INIP: variants seen among roughly 807,000 people sequenced by gnomAD.
The protein encoded by INIP is SOSS complex subunit C.
In INIP, 9 loss-of-function variants were observed where a neutral mutation model predicts 14.0. The observed-to-expected ratio is 0.64, with a 90% confidence interval of 0.39 to 1.12. INIP has a LOEUF of 1.12. Among genes scored for constraint, INIP ranks in the 50% most tolerant of loss-of-function variants. The probability of loss-of-function intolerance (pLI) is 0.01; values close to 1 mark genes in which losing one functional copy is unlikely to be tolerated. For missense variants in INIP, 78 were observed against 122.7 expected (o/e 0.64, Z 1.72); for synonymous variants, 37 against 41.5 (o/e 0.89, Z 0.41).
intron 2 of INIP, among the ~76,000 whole-genome samples, chr9:112,696,847 C>T (rs143982379): frequency 1.3e-5 from 2 of 152,174 alleles, no homozygotes; most frequent in Non-Finnish European, 2.9e-5. Context: ...GGGCCAGGCA[C>T]GTGGGAAGGG....
intron 2 of INIP, among the ~76,000 whole-genome samples, chr9:112,711,345 G>A (rs938029132): frequency 8.5e-5 from 13 of 152,102 alleles, no homozygotes; most frequent in African/African-American, 9.7e-5. Flanking sequence ...AAGGAGCAAC[G>A]GAAGCCAAAG....
rs1274659570 is a variant in INIP, at chr9:112,686,606, C to T, written c.*932G>A. Reference sequence around the variant, plus strand: ...CTGCCTCCCAGGTTCAAGCGATTCTCCTGCCTCAGCCTCCTGAGTAGCTGG... The same window carrying T: ...CTGCCTCCCAGGTTCAAGCGATTCTTCTGCCTCAGCCTCCTGAGTAGCTGG... On this transcript the variant is annotated 3_prime_UTR_variant, in exon 5 of 5. Coordinates refer to ENST00000374242, the MANE Select transcript of INIP (RefSeq NM_021218.3). 6.6e-6 allele frequency: 1 copy of T among 152,342 alleles called. No homozygotes were observed. 9.4% of individuals were successfully genotyped at this position (152,342 alleles called of 1,614,324 possible). A position where few individuals can be genotyped will look rare whatever the true frequency, so the allele number is the denominator to read the frequency against.
intron 2 of INIP, chr9:112,702,014 G>A (rs1838314628): frequency 6.6e-6 from 1 of 151,874 alleles, no homozygotes; most frequent in African/African-American, 2.4e-5. Flanking sequence ...AGCCATGACT[G>A]GACTGTGCCA....
chr9:112,692,256 T>C (rs1256196256), intron 3 of INIP, among the ~76,000 whole-genome samples: 2 of 152,126 alleles, frequency 1.3e-5, no homozygotes, highest in African/African-American at 4.8e-5. Flanking sequence ...AGAAGAGAGT[T>C]AGGGTGGTGG....
chr9:112,697,923 G>A (rs2131294526), intron 2 of INIP, among the ~76,000 whole-genome samples: 1 of 152,288 alleles, frequency 6.6e-6, no homozygotes, highest in South Asian at 2.1e-4. Flanking sequence ...CATTACCTAT[G>A]GAAATCCTTC....
At position 112,688,961 on chromosome 9, in the gene INIP, T is replaced by C. The variant is rs1394152063; in HGVS notation, c.219+566A>G. ...AAATTATGCCTATGGGAAAAAAATG[T>C]CCAAAGTCTCTAGAAATCTTAAATT... is the stretch of plus-strand genomic sequence containing the variant. On this transcript the variant is annotated intron_variant, in intron 4 of 4. Coordinates refer to ENST00000374242, the MANE Select transcript of INIP (RefSeq NM_021218.3). 2.0e-5 allele frequency among the ~76,000 whole-genome samples: 3 copies of C among 151,236 alleles called. No homozygotes were observed. The South Asian group carries it at 6.3e-4, about 32-fold the overall frequency.
intron 3 of INIP, 41 bp downstream of exon 3, chr9:112,694,090 A>G (rs964508603): frequency 1.5e-6 from 2 of 1,345,112 alleles, no homozygotes; most frequent in East Asian, 2.3e-5. Flanking sequence ...AAAACAAAAC[A>G]AAACAAAACA....
rs1837691031 is a variant in INIP at position 112,686,850 on chromosome 9, A to G, written c.*688T>C. ...GAAAACAGAACCACACAAACTCATC[A>G]TTTATGTGGTAACACTAAATAAGAG... On this transcript the variant is annotated 3_prime_UTR_variant, in exon 5 of 5. Coordinates refer to ENST00000374242, the MANE Select transcript of INIP (RefSeq NM_021218.3). The G allele has an allele frequency of 6.6e-6, 1 of 152,250 alleles. No homozygotes were observed. The highest frequency in any genetic ancestry group is 2.4e-5 in the African/African-American group (1 of 41,472). The allele number at this position is 152,250 out of a possible 1,614,324, so 9.4% of individuals were successfully genotyped here.
At chr9:112,694,658 GA>G (rs1838013270) in intron 2 of INIP, among the ~76,000 whole-genome samples, 1 of 152,164 alleles carries the variant, frequency 6.6e-6, no homozygotes, top group Non-Finnish European at 1.5e-5. Context: ...TCTTCTATTT[GA>G]AGCCTCTTTC....
intron 2 of INIP, among the ~76,000 whole-genome samples, chr9:112,694,444 A>T (rs1409067845): frequency 6.6e-6 from 1 of 152,248 alleles, no homozygotes. Flanking sequence ...ATTCATGAAT[A>T]CTTAAGCAGA....
At chr9:112,697,987 G>A (rs1838150153) in intron 2 of INIP, among the ~76,000 whole-genome samples, 1 of 152,114 alleles carries the variant, frequency 6.6e-6, no homozygotes. Context: ...CCCAAAACAG[G>A]CAAATTAATT....
intron 2 of INIP, among the ~76,000 whole-genome samples, chr9:112,712,841 A>G (rs1280887476): frequency 6.6e-6 from 1 of 152,234 alleles, no homozygotes. Context: ...AACATCCCAA[A>G]TTTAGTGAAA....
chr9:112,716,773 A>G (rs200165622), intron 1 of INIP, among the ~76,000 whole-genome samples: 10 of 151,724 alleles, frequency 6.6e-5, no homozygotes, highest in African/African-American at 2.4e-4. Context: ...GGTGAAACCC[A>G]GTCTCTACTA....
At chr9:112,698,123 T>C (rs1451696427) in intron 2 of INIP, among the ~76,000 whole-genome samples, 2 of 151,726 alleles carry the variant, frequency 1.3e-5, no homozygotes, top group Non-Finnish European at 2.9e-5. Flanking sequence ...GCCAACACAG[T>C]GAAACCCCAT....
Position 112,686,350 on chromosome 9 carries a change from T to C in INIP, c.*1188A>G, listed in dbSNP as rs1837664944. 1 of 152,178 alleles carries C rather than the reference T, an allele frequency of 6.6e-6. No individual in the cohort carries two copies. The highest frequency in any genetic ancestry group is 1.5e-5 in the Non-Finnish European group (1 of 68,028). 9.4% of individuals were successfully genotyped at this position (152,178 alleles called of 1,614,324 possible). A position where few individuals can be genotyped will look rare whatever the true frequency, so the allele number is the denominator to read the frequency against. On this transcript the variant is annotated 3_prime_UTR_variant, in exon 5 of 5. Transcript: ENST00000374242. ...TTTTCAGACTTTATTTTGAATCAGATTCTAATTCTGTAGGACTAGGGTAGG... is the reference window on the plus strand; with the variant it reads ...TTTTCAGACTTTATTTTGAATCAGACTCTAATTCTGTAGGACTAGGGTAGG...
chr9:112,694,379 C>A, intron 2 of INIP, 146 bp from the exon 3 acceptor site: 1 of 590,606 alleles, frequency 1.7e-6, no homozygotes. Flanking sequence ...CCAGTAAGTA[C>A]TTTCCCTAAA....
At chr9:112,713,581 A>T (rs1019316353) in intron 2 of INIP, among the ~76,000 whole-genome samples, 2 of 152,098 alleles carry the variant, frequency 1.3e-5, no homozygotes, top group African/African-American at 4.8e-5. Context: ...CAGTCCCACC[A>T]CTTTGGAAGG....
chr9:112,692,471 G>A (rs1837923736), intron 3 of INIP, among the ~76,000 whole-genome samples: 1 of 152,000 alleles, frequency 6.6e-6, no homozygotes, highest in Non-Finnish European at 1.5e-5. Flanking sequence ...TTTTTGTAGA[G>A]ATGGGTCTTG....
intron 3 of INIP, among the ~76,000 whole-genome samples, chr9:112,690,332 A>G (rs1227071549): frequency 6.6e-6 from 1 of 152,168 alleles, no homozygotes; most frequent in Admixed American, 6.5e-5. Context: ...CTCTACAAAA[A>G]CAAGATTAAC....
Sources: gnomAD v4.1 joint callset for allele counts (sites outside exome capture counted in the v4.1 genomes callset) on GRCh38, gnomAD v4.1.1 for gene constraint, MANE v1.5 for transcripts, NCBI Gene and HGNC (gene_info 2026-07-23, HGNC 2026-07-21) for gene names.